The following SUPT3H variants were observed in gnomAD, a reference collection of about 807,000 sequenced individuals.
SUPT3H encodes transcription initiation protein SPT3 homolog.
SUPT3H carries 44 observed loss-of-function variants against 44.3 expected under a neutral mutation model. The ratio of observed to expected loss-of-function variants is 0.99; its 90% CI spans 0.78 to 1.28. The LOEUF is 1.28. SUPT3H is among the 50% of genes most tolerant of loss of function. The pLI, the probability that SUPT3H is intolerant of heterozygous loss-of-function variation, is 0.00. For missense variants in SUPT3H, 380 were observed against 387.1 expected, an observed-to-expected ratio of 0.98 and a Z score of 0.15; for synonymous variants, 124 against 125.6, an observed-to-expected ratio of 0.99 and a Z score of 0.09.
intron 10 of SUPT3H, among the ~76,000 whole-genome samples, chr6:44,930,408 C>T (rs191860543): frequency 1.3e-5 from 2 of 149,262 alleles, no homozygotes; most frequent in African/African-American, 4.9e-5. Context: ...AAAATTATTA[C>T]AAAAATTAGT....
At chr6:45,059,319 A>G (rs1026647117) in intron 3 of SUPT3H, among the ~76,000 whole-genome samples, 2 of 152,194 alleles carry the variant, frequency 1.3e-5, no homozygotes, top group Non-Finnish European at 2.9e-5. Context: ...TCACATAAAC[A>G]GAACTAAAGA....
chr6:45,202,259 TTAA>T (rs992866077), intron 2 of SUPT3H, among the ~76,000 whole-genome samples: 1 of 151,890 alleles, frequency 6.6e-6, no homozygotes, highest in Non-Finnish European at 1.5e-5. Context: ...TAAGAATCTT[TTAA>T]TAATGATGAT....
At chr6:44,960,371 G>A (rs1384039603) in intron 7 of SUPT3H, among the ~76,000 whole-genome samples, 1 of 139,964 alleles carries the variant, frequency 7.1e-6, no homozygotes, top group Non-Finnish European at 1.5e-5. Flanking sequence ...AGTGAGCCGA[G>A]ATCGCACCAC....
intron 2 of SUPT3H, among the ~76,000 whole-genome samples, chr6:45,263,313 C>A (rs1323543933): frequency 6.6e-6 from 1 of 152,058 alleles, no homozygotes; most frequent in African/African-American, 2.4e-5. Flanking sequence ...ATAAAAAGAA[C>A]GAATTATGTC....
At chr6:45,351,055 A>G (rs775033717) in intron 2 of SUPT3H, among the ~76,000 whole-genome samples, 1 of 152,182 alleles carries the variant, frequency 6.6e-6, no homozygotes. Flanking sequence ...GAGGTGTAAC[A>G]GTTGCATCCC....
In SUPT3H at chr6:45,317,502, A is replaced by G. The variant is rs562581624; in HGVS notation, c.101+47699T>C. Among the ~76,000 whole-genome samples the G allele has an allele frequency of 6.0e-4, 91 of 152,278 alleles. 1 individual carries two copies. The highest frequency in any genetic ancestry group is 1.8e-3 in the African/African-American group (75 of 41,546). On this transcript the variant is annotated intron_variant, in intron 2 of 10. Transcript: ENST00000371459. ...GTACGGGCATAAAAGCACACACACT[A>G]ACGGAACAGAACAGTGAATCCAGAA...
At chr6:44,919,760 C>T (rs1314311591) in intron 10 of SUPT3H, among the ~76,000 whole-genome samples, 1 of 152,176 alleles carries the variant, frequency 6.6e-6, no homozygotes, top group African/African-American at 2.4e-5. Flanking sequence ...CACGCCATTG[C>T]CTCAGAAGAT....
intron 2 of SUPT3H, among the ~76,000 whole-genome samples, chr6:45,188,204 A>G (rs1332490613): frequency 1.3e-5 from 2 of 152,262 alleles, no homozygotes; most frequent in Non-Finnish European, 2.9e-5. Context: ...TGGCAATTCC[A>G]ATTTGCCAAA....
rs962316584 is a variant in SUPT3H, at chr6:45,199,612, T to C, written c.102-93606A>G. 4.0e-5 allele frequency among the ~76,000 whole-genome samples: 6 copies of C among 151,466 alleles called. No homozygotes were observed. In the East Asian group the frequency reaches 9.7e-4, roughly 24 times the overall value. On this transcript the variant is annotated intron_variant, in intron 2 of 10. Coordinates refer to ENST00000371459, the MANE Select transcript of SUPT3H (RefSeq NM_003599.4). Reference sequence around the variant, plus strand: ...ACTAAATATAGAAGACTGACATTTGTAGGTAATTCAATAGTCAGATGATAA... The same window carrying C: ...ACTAAATATAGAAGACTGACATTTGCAGGTAATTCAATAGTCAGATGATAA...
chr6:44,949,031 C>T (rs1484965280), intron 9 of SUPT3H, among the ~76,000 whole-genome samples: 1 of 152,114 alleles, frequency 6.6e-6, no homozygotes, highest in African/African-American at 2.4e-5. Flanking sequence ...GAAAATGTGG[C>T]ACATATACAC....
intron 9 of SUPT3H, among the ~76,000 whole-genome samples, chr6:44,933,576 G>A (rs1193329539): frequency 6.6e-6 from 1 of 152,286 alleles, no homozygotes; most frequent in South Asian, 2.1e-4. Context: ...TTGCTTGTAG[G>A]ACTGTTGTGA....
intron 2 of SUPT3H, among the ~76,000 whole-genome samples, chr6:45,190,388 AAC>A (rs1814931296): frequency 6.6e-6 from 1 of 152,148 alleles, no homozygotes; most frequent in African/African-American, 2.4e-5. Flanking sequence ...TTCCCAAAGC[AAC>A]ACACACCAAG....
chr6:45,067,681 A>G (rs1312130061), intron 3 of SUPT3H, among the ~76,000 whole-genome samples: 1 of 150,960 alleles, frequency 6.6e-6, no homozygotes, highest in Non-Finnish European at 1.5e-5. Context: ...TCAAAAGAAG[A>G]CATTTATGCA....
At chr6:45,373,870 T>A (rs991866966) in intron 1 of SUPT3H, among the ~76,000 whole-genome samples, 1 of 152,208 alleles carries the variant, frequency 6.6e-6, no homozygotes, top group African/African-American at 2.4e-5. Flanking sequence ...TACAATATTA[T>A]TTGTAAAAGA....
intron 2 of SUPT3H, among the ~76,000 whole-genome samples, chr6:45,331,175 T>C (rs542892245): frequency 3.3e-5 from 5 of 152,000 alleles, no homozygotes; most frequent in African/African-American, 9.6e-5. Context: ...GTGTCCTTGA[T>C]CTCTCAGCAT....
intron 2 of SUPT3H, among the ~76,000 whole-genome samples, chr6:45,362,857 GC>G (rs1408979199): frequency 6.6e-6 from 1 of 151,924 alleles, no homozygotes; most frequent in African/African-American, 2.4e-5. Flanking sequence ...TTTTAAAATG[GC>G]CCAAGGTCCA....
At chr6:44,996,855 G>A (rs1188663442) in intron 6 of SUPT3H, among the ~76,000 whole-genome samples, 1 of 151,782 alleles carries the variant, frequency 6.6e-6, no homozygotes, top group African/African-American at 2.4e-5. Flanking sequence ...AAGGTTAAGA[G>A]TTATCATTAT....
chr6:45,012,097 G>GTTT (rs369337555), intron 5 of SUPT3H, among the ~76,000 whole-genome samples: 1 of 134,368 alleles, frequency 7.4e-6, no homozygotes, highest in Admixed American at 7.4e-5. Context: ...TTTTTTGTCT[G>GTTT]TTTTTTTTTT....
intron 10 of SUPT3H, among the ~76,000 whole-genome samples, chr6:44,930,805 T>C (rs1331291657): frequency 6.6e-6 from 1 of 152,200 alleles, no homozygotes; most frequent in African/African-American, 2.4e-5. Flanking sequence ...CTAGATGTAT[T>C]TAAATTAAGC....
Sources: gnomAD v4.1 joint callset for allele counts (sites outside exome capture counted in the v4.1 genomes callset) on GRCh38, gnomAD v4.1.1 for gene constraint, MANE v1.5 for transcripts, NCBI Gene and HGNC (gene_info 2026-07-23, HGNC 2026-07-21) for gene names.